FERMT2: variants seen among roughly 807,000 people sequenced by gnomAD.
FERMT2 encodes the protein FERM domain containing kindlin 2, also known as fermitin family homolog 2.
FERMT2 carries 15 observed loss-of-function variants against 82.7 expected under a neutral mutation model. That is an observed-to-expected ratio of 0.18 (90% CI 0.12 to 0.28). The LOEUF is 0.28. Ranked by LOEUF, FERMT2 falls within the 10% of genes least tolerant of loss-of-function variation. The probability of loss-of-function intolerance (pLI) is 1.00; values close to 1 mark genes in which losing one functional copy is unlikely to be tolerated. For synonymous variants in FERMT2, 274 were observed against 271.5 expected, an observed-to-expected ratio of 1.01 and a Z score of -0.09; for missense variants, 645 against 809.4, an observed-to-expected ratio of 0.80 and a Z score of 2.46.
At chr14:52,871,204 T>C (rs550763984) in intron 10 of FERMT2, among the ~76,000 whole-genome samples, 1 of 152,316 alleles carries the variant, frequency 6.6e-6, no homozygotes, top group Non-Finnish European at 1.5e-5. Context: ...AAGTCTCCCA[T>C]GAATGCACCT....
chr14:52,911,585 A>G (rs1301638810), intron 3 of FERMT2, among the ~76,000 whole-genome samples: 1 of 151,718 alleles, frequency 6.6e-6, no homozygotes, highest in Non-Finnish European at 1.5e-5. Context: ...CGGGAGGCAG[A>G]GCTTGCAGTG....
intron 2 of FERMT2, among the ~76,000 whole-genome samples, chr14:52,933,729 AAAAAAAAAG>A (rs1391356334): frequency 4.0e-5 from 6 of 149,914 alleles, no homozygotes; most frequent in East Asian, 2.0e-4. Flanking sequence ...AAAAAAAAAA[AAAAAAAAAG>A]GGAAAAGAAA....
chr14:52,892,199 G>A (rs1312828385), intron 4 of FERMT2, among the ~76,000 whole-genome samples: 1 of 131,782 alleles, frequency 7.6e-6, no homozygotes, highest in African/African-American at 3.0e-5. Flanking sequence ...AGACGGAGTT[G>A]TCACCCAGGT....
chr14:52,891,973 G>C (rs1445220963), intron 4 of FERMT2, among the ~76,000 whole-genome samples: 1 of 151,982 alleles, frequency 6.6e-6, no homozygotes, highest in East Asian at 1.9e-4. Flanking sequence ...ACATTAGCAA[G>C]GAAGAACACA....
In FERMT2 at chr14:52,930,517, T is replaced by G. The variant is rs532392364; in HGVS notation, c.158-11161A>C. On this transcript the variant is annotated intron_variant, in intron 2 of 14. Coordinates refer to ENST00000341590, the MANE Select transcript of FERMT2 (RefSeq NM_006832.3). ...AGCAATGGCACCTGCAGAGAGTGAG[T>G]TGGATGGGGTAAGAAAGGGAATGCT... 3.3e-3 allele frequency among the ~76,000 whole-genome samples: 501 copies of G among 151,920 alleles called. 5 individuals are homozygous for G. Among genetic ancestry groups the G allele is most frequent in the African/African-American group, 0.011 (465 of 41,432 alleles).
rs113423699 is a variant in FERMT2, at chr14:52,864,977, C to A, written c.1274-124G>T. The A allele has an allele frequency of 3.7e-3, 2,345 of 642,218 alleles. 29 individuals carry two copies. The African/African-American group carries it at 0.037, about 10-fold the overall frequency. The allele number at this position is 642,218 out of a possible 1,614,324, so 39.8% of individuals were successfully genotyped here. On this transcript the variant is annotated intron_variant, in intron 10 of 14. Transcript: ENST00000341590. ...ATTTTGCCATAGTATTTTATGAAGG[C>A]ATCTGCTGCAGAAGGTAACATACAC... is the stretch of plus-strand genomic sequence containing the variant.
chr14:52,895,070 A>C (rs1887182905), intron 3 of FERMT2, among the ~76,000 whole-genome samples: 1 of 152,158 alleles, frequency 6.6e-6, no homozygotes, highest in Admixed American at 6.5e-5. Context: ...CTGGACAATC[A>C]CTTCATCAAA....
chr14:52,928,686 G>A (rs1386260572), intron 2 of FERMT2, among the ~76,000 whole-genome samples: 2 of 151,954 alleles, frequency 1.3e-5, no homozygotes, highest in South Asian at 2.1e-4. Flanking sequence ...ACGGTGTTTC[G>A]AACTTCTCAC....
At position 52,913,680 on chromosome 14, in the gene FERMT2, C is replaced by CAGTAGTAGTAGTAGT. The variant is rs60319673; in HGVS notation, c.391+5428_391+5442dup. 9.6e-3 allele frequency among the ~76,000 whole-genome samples: 1,417 copies of CAGTAGTAGTAGTAGT among 147,826 alleles called. 16 individuals are homozygous for CAGTAGTAGTAGTAGT. Among genetic ancestry groups the CAGTAGTAGTAGTAGT allele is most frequent in the African/African-American group, 0.026 (1,041 of 40,004 alleles). On this transcript the variant is annotated intron_variant, in intron 3 of 14. Transcript: ENST00000341590. ...AAGTTCAATGCCATGCAGCCAAAAA[C>CAGTAGTAGTAGTAGT]AGTAGTAGTAGTAGTAGTAGTAGTA...
rs1396776802 is a variant in FERMT2 at position 52,881,099 on chromosome 14, C to A, written c.792G>T (p.Val264=). 7 of 1,613,682 alleles carry A rather than the reference C, an allele frequency of 4.3e-6. No homozygotes were observed. Among genetic ancestry groups the A allele is most frequent in the Non-Finnish European group, 5.9e-6 (7 of 1,179,864 alleles). The change falls in exon 6 of 15, where the codon GTG becomes GTT. Residue 264 remains valine (V), a synonymous_variant. Transcript: ENST00000341590. ...GGAGCAGCAAGGCCTCATTTTCCTTCACATCTTGTTCCATGAGAGATCTTG... is the reference window on the plus strand; with the variant it reads ...GGAGCAGCAAGGCCTCATTTTCCTTAACATCTTGTTCCATGAGAGATCTTG... The part of the protein sequence containing the change: ...DSSRSLMEQD[V]KENEALLLRF...
intron 10 of FERMT2, among the ~76,000 whole-genome samples, chr14:52,870,945 C>T (rs896815332): frequency 2.0e-5 from 3 of 152,164 alleles, no homozygotes; most frequent in African/African-American, 7.2e-5. Flanking sequence ...TTGTCCACAT[C>T]GGAATACTTC....
chr14:52,872,951 A>C, intron 9 of FERMT2, 28 bp from the exon 10 acceptor site: 1 of 1,605,628 alleles, frequency 6.2e-7, no homozygotes. Flanking sequence ...TTAACAACAA[A>C]ATCACTTGGA....
At chr14:52,881,837 A>C in intron 4 of FERMT2, 1 of 1,253,518 alleles carries the variant, frequency 8.0e-7, no homozygotes, top group South Asian at 1.3e-5. Flanking sequence ...GCCTATAGGA[A>C]AGGAAAGAAA....
At chr14:52,873,173 A>G (rs1885736636) in intron 9 of FERMT2, among the ~76,000 whole-genome samples, 2 of 152,196 alleles carry the variant, frequency 1.3e-5, no homozygotes, top group Admixed American at 1.3e-4. Context: ...GTGTTCCAGT[A>G]TTCTGCAGCT....
intron 3 of FERMT2, among the ~76,000 whole-genome samples, chr14:52,903,374 C>T (rs1481488143): frequency 1.3e-5 from 2 of 151,794 alleles, no homozygotes; most frequent in Non-Finnish European, 2.9e-5. Context: ...CCCATCTCTA[C>T]AAAAAATTTA....
rs1184819206 is a variant in FERMT2 at position 52,857,826 on chromosome 14, A to C, written c.*551T>G. On this transcript the variant is annotated 3_prime_UTR_variant, in exon 15 of 15. Coordinates refer to ENST00000341590, the MANE Select transcript of FERMT2 (RefSeq NM_006832.3). ...ACATAACATGCTTATTCAAGGACAA[A>C]AACAAATCAAGCACGACGGACTAAT... 1 of 153,500 alleles carries C rather than the reference A, an allele frequency of 6.5e-6. No homozygotes were observed. The highest frequency in any genetic ancestry group is 2.4e-5 in the African/African-American group (1 of 41,460). The allele number at this position is 153,500 out of a possible 1,614,324, so 9.5% of individuals were successfully genotyped here. A position where few individuals can be genotyped will look rare whatever the true frequency, so the allele number is the denominator to read the frequency against.
intron 7 of FERMT2, among the ~76,000 whole-genome samples, chr14:52,878,293 A>G (rs1566725083): frequency 6.6e-6 from 1 of 152,162 alleles, no homozygotes; most frequent in East Asian, 1.9e-4. Flanking sequence ...AGGAGCTTTG[A>G]GCAGATTTAT....
At chr14:52,906,459 G>T (rs1400622938) in intron 3 of FERMT2, among the ~76,000 whole-genome samples, 1 of 150,456 alleles carries the variant, frequency 6.6e-6, no homozygotes, top group Non-Finnish European at 1.5e-5. Flanking sequence ...CAAGTAATTT[G>T]GTGATCAGAA....
chr14:52,945,265 GC>G (rs1231593333), intron 2 of FERMT2, among the ~76,000 whole-genome samples: 1 of 151,586 alleles, frequency 6.6e-6, no homozygotes, highest in Non-Finnish European at 1.5e-5. Flanking sequence ...TGGGTTGGGG[GC>G]GGGGGGACGG....
Sources: gnomAD v4.1 joint callset for allele counts (sites outside exome capture counted in the v4.1 genomes callset) on GRCh38, gnomAD v4.1.1 for gene constraint, MANE v1.5 for transcripts, NCBI Gene and HGNC (gene_info 2026-07-23, HGNC 2026-07-21) for gene names.